Variants in RYR2 observed in about 807,000 individuals in gnomAD.
RYR2 encodes ryanodine receptor 2, also known as cardiac muscle ryanodine receptor-calcium release channel.
Under a neutral mutation model 601.1 loss-of-function variants are expected in RYR2, and 227 were observed. That is an observed-to-expected ratio of 0.38 (90% CI 0.34 to 0.42). The LOEUF is 0.42. Among genes scored for constraint, RYR2 ranks in the 10% least tolerant of loss-of-function variants. The pLI, the probability that RYR2 is intolerant of heterozygous loss-of-function variation, is 1.00. For missense variants in RYR2, 4,646 were observed against 6,156.5 expected, an observed-to-expected ratio of 0.75 and a Z score of 8.21; for synonymous variants, 2,223 against 2,175.1, an observed-to-expected ratio of 1.02 and a Z score of -0.61.
At chr1:237,296,239 G>A (rs1032890753) in intron 2 of RYR2, among the ~76,000 whole-genome samples, 1 of 152,104 alleles carries the variant, frequency 6.6e-6, no homozygotes, top group African/African-American at 2.4e-5. Flanking sequence ...GAGATAGTTG[G>A]GGGCTGATTT....
intron 1 of RYR2, among the ~76,000 whole-genome samples, chr1:237,089,208 C>T (rs565500933): frequency 6.2e-4 from 94 of 152,318 alleles, no homozygotes; most frequent in African/African-American, 2.0e-3. Flanking sequence ...TATTACATAA[C>T]GGAGTTCAGA....
In RYR2 at chr1:237,417,029, T is replaced by C; in HGVS notation, c.774-20T>C. ...ACATGTTTAACTCACATTTGGGCTT[T>C]TGTTTGTTTGTTGAAACAGAACTGT... On this transcript the variant is annotated intron_variant, in intron 10 of 104. Transcript: ENST00000366574. 1 of 1,611,464 alleles carries C rather than the reference T, an allele frequency of 6.2e-7. No homozygotes were observed. Among genetic ancestry groups the C allele is most frequent in the South Asian group, 1.1e-5 (1 of 90,968 alleles).
chr1:237,359,352 C>T (rs959298212), intron 4 of RYR2, among the ~76,000 whole-genome samples: 4 of 152,198 alleles, frequency 2.6e-5, no homozygotes, highest in African/African-American at 7.2e-5. Flanking sequence ...TTCACATTGT[C>T]GTACAGTTGA....
chr1:237,583,484 G>T (rs944884126), intron 29 of RYR2, among the ~76,000 whole-genome samples: 18 of 151,476 alleles, frequency 1.2e-4, no homozygotes, highest in African/African-American at 4.1e-4. Flanking sequence ...CTGAAAAAAT[G>T]GGATTAATAT....
intron 1 of RYR2, among the ~76,000 whole-genome samples, chr1:237,192,515 A>G (rs1176433521): frequency 1.3e-5 from 2 of 152,206 alleles, no homozygotes; most frequent in African/African-American, 4.8e-5. Flanking sequence ...GCGCCTAGCC[A>G]ACAAAACCAT....
At chr1:237,095,680 C>T (rs1258517710) in intron 1 of RYR2, among the ~76,000 whole-genome samples, 2 of 152,182 alleles carry the variant, frequency 1.3e-5, no homozygotes, top group African/African-American at 2.4e-5. Flanking sequence ...TTGGGAGATG[C>T]TGACAACCAT....
chr1:237,168,582 G>A (rs1676975462), intron 1 of RYR2, among the ~76,000 whole-genome samples: 2 of 152,084 alleles, frequency 1.3e-5, no homozygotes, highest in Non-Finnish European at 2.9e-5. Context: ...GTTTCCTGAG[G>A]ATGGGGGTGA....
At chr1:237,627,400 G>A (rs916543771) in intron 40 of RYR2, among the ~76,000 whole-genome samples, 7 of 152,148 alleles carry the variant, frequency 4.6e-5, no homozygotes, top group Non-Finnish European at 7.3e-5. Flanking sequence ...TTGAATGTCC[G>A]TGACCGAACT....
At chr1:237,691,224 G>T (rs1686916932) in intron 63 of RYR2, among the ~76,000 whole-genome samples, 1 of 152,100 alleles carries the variant, frequency 6.6e-6, no homozygotes, top group Non-Finnish European at 1.5e-5. Flanking sequence ...AGACAGAATT[G>T]AAAGTTGAGG....
chr1:237,753,463 A>G (rs1692697931), intron 80 of RYR2, among the ~76,000 whole-genome samples: 2 of 152,234 alleles, frequency 1.3e-5, no homozygotes, highest in African/African-American at 4.8e-5. Context: ...GCAAATCATG[A>G]TGTAAAATAC....
intron 1 of RYR2, among the ~76,000 whole-genome samples, chr1:237,198,855 A>G (rs1419516925): frequency 1.4e-5 from 2 of 140,782 alleles, no homozygotes; most frequent in African/African-American, 5.4e-5. Flanking sequence ...TTTTTTTTTT[A>G]TTTTCTGGAG....
At chr1:237,124,291 C>T (rs1014842536) in intron 1 of RYR2, among the ~76,000 whole-genome samples, 39 of 152,160 alleles carry the variant, frequency 2.6e-4, no homozygotes, top group Admixed American at 1.8e-3. Context: ...AACATCTCAC[C>T]GAGTGCGGGG....
intron 6 of RYR2, among the ~76,000 whole-genome samples, 185 bp from the exon 7 acceptor site, chr1:237,374,532 C>T (rs995341658): frequency 6.6e-6 from 1 of 152,078 alleles, no homozygotes; most frequent in Admixed American, 6.6e-5. Context: ...GTGGCATGTG[C>T]CTGTAGTCCC....
chr1:237,687,889 G>A (rs1686574692), intron 63 of RYR2, among the ~76,000 whole-genome samples: 1 of 152,052 alleles, frequency 6.6e-6, no homozygotes, highest in Admixed American at 6.6e-5. Context: ...ATTTTAAACT[G>A]CACTTATTTT....
intron 1 of RYR2, among the ~76,000 whole-genome samples, chr1:237,117,053 G>A (rs1670160757): frequency 6.6e-6 from 1 of 152,170 alleles, no homozygotes; most frequent in African/African-American, 2.4e-5. Flanking sequence ...CTGAGCTCAT[G>A]GACCAGGAAG....
chr1:237,728,910 C>G (rs1690438501), intron 76 of RYR2, among the ~76,000 whole-genome samples: 1 of 151,964 alleles, frequency 6.6e-6, no homozygotes, highest in African/African-American at 2.4e-5. Flanking sequence ...TGTAACAAAC[C>G]TGCACATTCT....
intron 1 of RYR2, among the ~76,000 whole-genome samples, chr1:237,237,798 C>T (rs1572312432): frequency 6.6e-6 from 1 of 152,184 alleles, no homozygotes; most frequent in Middle Eastern, 3.4e-3. Context: ...TAATAAGAGA[C>T]ATTTACCATC....
At chr1:237,618,249 G>A (rs1200239740) in intron 38 of RYR2, among the ~76,000 whole-genome samples, 1 of 151,630 alleles carries the variant, frequency 6.6e-6, no homozygotes, top group Admixed American at 6.6e-5. Context: ...TTTCTTAATT[G>A]TTATAAACAG....
intron 17 of RYR2, among the ~76,000 whole-genome samples, chr1:237,480,378 C>CAAA (rs61271895): frequency 0.013 from 743 of 57,344 alleles, 10 homozygotes; most frequent in African/African-American, 0.033. Context: ...AAGATCATCT[C>CAAA]AAAAAAAAAA....
Sources: allele counts gnomAD v4.1 joint callset (sites outside exome capture counted in the v4.1 genomes callset), GRCh38; gene constraint gnomAD v4.1.1; transcripts MANE v1.5; gene names NCBI Gene and HGNC (gene_info 2026-07-23, HGNC 2026-07-21).